The following TNIK variants were observed in gnomAD, a reference collection of about 807,000 sequenced individuals.
TNIK encodes TRAF2 and NCK-interacting protein kinase.
Under a neutral mutation model 191.3 loss-of-function variants are expected in TNIK, and 49 were observed. The observed-to-expected ratio is 0.26, with a 90% CI of 0.20 to 0.32. The LOEUF (loss-of-function observed/expected upper bound fraction) is 0.32. TNIK is among the 10% of genes least tolerant of loss of function. The pLI is 1.00. For missense variants in TNIK, 1,155 were observed against 1,702.3 expected, an observed-to-expected ratio of 0.68 and a Z score of 5.66; for synonymous variants, 594 against 600.9, an observed-to-expected ratio of 0.99 and a Z score of 0.17.
intron 2 of TNIK, among the ~76,000 whole-genome samples, chr3:171,290,193 C>T (rs770140451): frequency 2.0e-5 from 3 of 152,198 alleles, no homozygotes; most frequent in Non-Finnish European, 2.9e-5. Flanking sequence ...CTTCCTGCAA[C>T]TTATTATTCC....
At chr3:171,189,346 T>C (rs911976373) in intron 6 of TNIK, among the ~76,000 whole-genome samples, 2 of 152,212 alleles carry the variant, frequency 1.3e-5, no homozygotes, top group African/African-American at 4.8e-5. Flanking sequence ...CTGGGTTGCT[T>C]CTACCTTTTC....
Position 171,069,011 on chromosome 3 carries a change from C to G in TNIK, c.3550-14G>C, listed in dbSNP as rs529778354. ...ATCTGCAAAAGACTTTAAAAATCAC[C>G]CCATTAGTATCCGCATCACTCAAAG... is the stretch of plus-strand genomic sequence containing the variant. On this transcript the variant is annotated splice_polypyrimidine_tract_variant and intron_variant, in intron 29 of 32. Transcript: ENST00000436636. The G allele has an allele frequency of 7.6e-4, 1,216 of 1,605,732 alleles. 20 individuals are homozygous for G. In the South Asian group the frequency reaches 0.013, roughly 17 times the overall value.
chr3:171,376,746 T>TAGATA (rs149568381), intron 1 of TNIK, among the ~76,000 whole-genome samples: 1 of 148,672 alleles, frequency 6.7e-6, no homozygotes, highest in Non-Finnish European at 1.5e-5. Context: ...GATAGATAGA[T>TAGATA]GATAGATAGA....
At chr3:171,280,392 G>A (rs761868164) in intron 2 of TNIK, among the ~76,000 whole-genome samples, 5 of 152,196 alleles carry the variant, frequency 3.3e-5, no homozygotes, top group Admixed American at 3.3e-4. Flanking sequence ...TACAAGTTAT[G>A]TGTCTTTGGA....
chr3:171,102,259 A>C (rs575041989), intron 21 of TNIK, among the ~76,000 whole-genome samples: 4 of 152,266 alleles, frequency 2.6e-5, no homozygotes, highest in African/African-American at 7.2e-5. Context: ...GAACAACAAC[A>C]ACAAGAGTTC....
At chr3:171,332,084 A>C (rs1756469637) in intron 2 of TNIK, among the ~76,000 whole-genome samples, 1 of 152,190 alleles carries the variant, frequency 6.6e-6, no homozygotes, top group African/African-American at 2.4e-5. Context: ...CTATTTGGAA[A>C]AGTATAGAGA....
intron 1 of TNIK, among the ~76,000 whole-genome samples, chr3:171,413,754 A>C (rs73879556): frequency 0.099 from 15,089 of 152,270 alleles, 841 homozygotes; most frequent in Middle Eastern, 0.21. Context: ...TTGAGAGAGC[A>C]CATGGTTAAG....
At chr3:171,221,441 CTT>C (rs1742330208) in intron 3 of TNIK, among the ~76,000 whole-genome samples, 1 of 152,122 alleles carries the variant, frequency 6.6e-6, no homozygotes, top group African/African-American at 2.4e-5. Context: ...ATAGCTGTCA[CTT>C]TCTCAGAAAT....
At chr3:171,325,821 GA>G (rs1481846320) in intron 2 of TNIK, among the ~76,000 whole-genome samples, 1 of 152,184 alleles carries the variant, frequency 6.6e-6, no homozygotes, top group African/African-American at 2.4e-5. Context: ...CAAGGGCTAG[GA>G]GGTACATAGT....
intron 1 of TNIK, among the ~76,000 whole-genome samples, chr3:171,394,886 C>T (rs1008482479): frequency 9.2e-5 from 14 of 152,152 alleles, no homozygotes; most frequent in South Asian, 6.2e-4. Flanking sequence ...AAAACAGTCT[C>T]GCACCTAAGA....
intron 9 of TNIK, among the ~76,000 whole-genome samples, chr3:171,169,150 C>A (rs578132878): frequency 1.1e-4 from 16 of 152,040 alleles, no homozygotes; most frequent in African/African-American, 3.6e-4. Context: ...GTAGAAAAAT[C>A]AGTATTAAAA....
intron 2 of TNIK, among the ~76,000 whole-genome samples, chr3:171,297,538 A>T (rs563294833): frequency 1.1e-4 from 17 of 152,330 alleles, no homozygotes; most frequent in Non-Finnish European, 2.2e-4. Flanking sequence ...AGGCTGTTTA[A>T]AAGTTTTCCC....
At chr3:171,139,349 TG>T (rs1730450336) in intron 14 of TNIK, 120 bp downstream of exon 14, 2 of 850,870 alleles carry the variant, frequency 2.4e-6, no homozygotes, top group Non-Finnish European at 3.9e-6. Context: ...TCTTCTGGAC[TG>T]GTATGTTAGA....
At chr3:171,274,740 TCTTTA>T (rs1343578895) in intron 2 of TNIK, among the ~76,000 whole-genome samples, 1 of 147,768 alleles carries the variant, frequency 6.8e-6, no homozygotes, top group African/African-American at 2.6e-5. Context: ...GATCTTCTCT[TCTTTA>T]ATCAACCTCA....
At chr3:171,230,093 T>A (rs1182269076) in intron 2 of TNIK, among the ~76,000 whole-genome samples, 8 of 152,114 alleles carry the variant, frequency 5.3e-5, no homozygotes, top group Non-Finnish European at 1.5e-5. Flanking sequence ...CATTTAGAAA[T>A]TTAGTTTCCA....
chr3:171,354,219 T>C (rs1367201738), intron 2 of TNIK, among the ~76,000 whole-genome samples: 1 of 152,180 alleles, frequency 6.6e-6, no homozygotes. Flanking sequence ...ATTTTCAGCA[T>C]TAGGCACTTT....
chr3:171,184,272 G>A (rs958034744), intron 7 of TNIK, among the ~76,000 whole-genome samples: 2 of 152,170 alleles, frequency 1.3e-5, no homozygotes, highest in African/African-American at 4.8e-5. Context: ...CAGAACTTAG[G>A]TGGTGAGTTA....
intron 1 of TNIK, among the ~76,000 whole-genome samples, chr3:171,381,816 C>A (rs747467929): frequency 6.6e-6 from 1 of 152,196 alleles, no homozygotes; most frequent in Non-Finnish European, 1.5e-5. Context: ...CTCCCTCCTC[C>A]TTCCTGCTGC....
At chr3:171,446,489 T>C (rs1371067201) in intron 1 of TNIK, among the ~76,000 whole-genome samples, 1 of 152,210 alleles carries the variant, frequency 6.6e-6, no homozygotes, top group African/African-American at 2.4e-5. Flanking sequence ...TAAACTGTAG[T>C]AAATCAAGAA....
Sources: gnomAD v4.1 joint callset for allele counts (sites outside exome capture counted in the v4.1 genomes callset) on GRCh38, gnomAD v4.1.1 for gene constraint, MANE v1.5 for transcripts, NCBI Gene and HGNC (gene_info 2026-07-23, HGNC 2026-07-21) for gene names.